Variants in IGF2BP3 observed in about 807,000 individuals in gnomAD.
IGF2BP3 encodes insulin like growth factor 2 mRNA binding protein 3.
Under a neutral mutation model 73.8 loss-of-function variants are expected in IGF2BP3, and 9 were observed. The ratio of observed to expected loss-of-function variants is 0.12; its 90% CI spans 0.07 to 0.21. The LOEUF (loss-of-function observed/expected upper bound fraction) is 0.21, where lower values mean the gene tolerates loss of function less well. IGF2BP3 is among the 10% of genes least tolerant of loss of function. The pLI, the probability that IGF2BP3 is intolerant of heterozygous loss-of-function variation, is 1.00. For missense variants in IGF2BP3, 542 were observed against 714.0 expected (o/e 0.76, Z 2.75); for synonymous variants, 258 against 256.7 (o/e 1.01, Z -0.05).
intron 10 of IGF2BP3, among the ~76,000 whole-genome samples, chr7:23,335,870 G>A (rs1728092171): frequency 6.6e-6 from 1 of 152,190 alleles, no homozygotes; most frequent in Non-Finnish European, 1.5e-5. Flanking sequence ...ATTTCTGAAA[G>A]GCGCGTTTCC....
At chr7:23,462,079 A>T (rs918752925) in intron 2 of IGF2BP3, among the ~76,000 whole-genome samples, 4 of 152,254 alleles carry the variant, frequency 2.6e-5, no homozygotes, top group Non-Finnish European at 4.4e-5. Flanking sequence ...GGCCAGTTAC[A>T]TCAGCAAAGA....
At chr7:23,468,597 C>T (rs1362481404) in intron 1 of IGF2BP3, 55 bp from the exon 2 acceptor site, 6 of 1,564,424 alleles carry the variant, frequency 3.8e-6, no homozygotes, top group Admixed American at 3.3e-5. Context: ...TCTCCCTGCC[C>T]GAAGACCCGC....
intron 10 of IGF2BP3, among the ~76,000 whole-genome samples, chr7:23,340,196 CAG>C (rs1784673412): frequency 6.6e-6 from 1 of 152,116 alleles, no homozygotes; most frequent in South Asian, 2.1e-4. Flanking sequence ...CCAGCCACTT[CAG>C]GGGGCACGTA....
At chr7:23,354,888 C>T (rs1193419912) in intron 5 of IGF2BP3, among the ~76,000 whole-genome samples, 3 of 152,112 alleles carry the variant, frequency 2.0e-5, no homozygotes, top group Non-Finnish European at 4.4e-5. Context: ...CCACAGTGCT[C>T]CATCCACAGT....
chr7:23,381,521 A>G (rs1020159803), intron 3 of IGF2BP3, among the ~76,000 whole-genome samples: 1 of 152,206 alleles, frequency 6.6e-6, no homozygotes, highest in Non-Finnish European at 1.5e-5. Flanking sequence ...CTACTTGTAT[A>G]TGCTTATATG....
chr7:23,363,199 T>C (rs1480868537), intron 3 of IGF2BP3, among the ~76,000 whole-genome samples: 1 of 152,266 alleles, frequency 6.6e-6, no homozygotes, highest in Admixed American at 6.5e-5. Context: ...TTTTAGGCTT[T>C]TGTCTACTGT....
At chr7:23,313,700 G>GA (rs750108967) in intron 12 of IGF2BP3, 47 bp from the exon 13 acceptor site, 21 of 1,593,378 alleles carry the variant, frequency 1.3e-5, no homozygotes, top group South Asian at 1.1e-4. Flanking sequence ...GTATGAAATG[G>GA]AAAAGGTCAG....
intron 3 of IGF2BP3, among the ~76,000 whole-genome samples, chr7:23,396,036 A>C (rs1175262614): frequency 2.0e-5 from 2 of 101,544 alleles, no homozygotes; most frequent in African/African-American, 7.1e-5. Flanking sequence ...AAAAAAATCC[A>C]GTGAGTTTTT....
Position 23,418,777 on chromosome 7 carries a change from T to C in IGF2BP3, c.284A>G (p.Glu95Gly). 6.4e-7 allele frequency: 1 copy of C among 1,570,170 alleles called. No individual in the cohort carries two copies. Among genetic ancestry groups the C allele is most frequent in the Non-Finnish European group, 8.7e-7 (1 of 1,148,196 alleles). Residue 95 changes from glutamate to glycine, a missense_variant and splice_region_variant, in exon 3 of 15, where the codon GAG becomes GGG. Glu to Gly is a moderately conservative substitution (Grantham distance 98). Transcript: ENST00000258729. ...AATTTTAAATACAGAAATTCTTACC[T>C]CCCACTGTAAATGAGGCGGGATATT... ...IRNIPPHLQW[E>G]VLDSLLVQYG...
intron 10 of IGF2BP3, among the ~76,000 whole-genome samples, chr7:23,327,085 A>G (rs1784320501): frequency 6.6e-6 from 1 of 151,986 alleles, no homozygotes. Flanking sequence ...TTAATTAATT[A>G]ATTAATTAAA....
chr7:23,440,306 C>T (rs368275206), intron 2 of IGF2BP3, among the ~76,000 whole-genome samples: 8 of 150,456 alleles, frequency 5.3e-5, no homozygotes, highest in Admixed American at 2.7e-4. Context: ...CATGGTGGCA[C>T]GTGCCCTTAA....
At chr7:23,337,383 C>G (rs573931641) in intron 10 of IGF2BP3, among the ~76,000 whole-genome samples, 1 of 152,318 alleles carries the variant, frequency 6.6e-6, no homozygotes, top group East Asian at 1.9e-4. Context: ...ATTTTCTCCT[C>G]CAGAATTTAG....
chr7:23,422,864 C>T (rs1197064078), intron 2 of IGF2BP3, among the ~76,000 whole-genome samples: 4 of 152,266 alleles, frequency 2.6e-5, no homozygotes, highest in Middle Eastern at 3.4e-3. Context: ...AGCGTAATCT[C>T]GGCTCACTGC....
At chr7:23,414,459 A>G (rs1044736391) in intron 3 of IGF2BP3, 1 of 152,212 alleles carries the variant, frequency 6.6e-6, no homozygotes, top group Non-Finnish European at 1.5e-5. Flanking sequence ...CTGTGGTCCC[A>G]GATTCTGTTA....
chr7:23,342,317 T>C (rs1784733587), intron 9 of IGF2BP3, 128 bp from the exon 10 acceptor site: 1 of 1,007,368 alleles, frequency 9.9e-7, no homozygotes, highest in Non-Finnish European at 1.5e-6. Flanking sequence ...TCAAAGCAGA[T>C]GTTCCATGGG....
chr7:23,416,583 A>C (rs1034171319), intron 3 of IGF2BP3, among the ~76,000 whole-genome samples: 3 of 152,222 alleles, frequency 2.0e-5, no homozygotes, highest in Non-Finnish European at 2.9e-5. Flanking sequence ...TGTATATTCT[A>C]CTGCATTAAA....
intron 3 of IGF2BP3, among the ~76,000 whole-genome samples, chr7:23,371,823 AG>A (rs1315599122): frequency 2.0e-5 from 3 of 152,160 alleles, no homozygotes; most frequent in Non-Finnish European, 4.4e-5. Context: ...TAGGACTCCT[AG>A]GAGTCATGTG....
At chr7:23,383,450 G>A (rs1012383840) in intron 3 of IGF2BP3, among the ~76,000 whole-genome samples, 2 of 152,170 alleles carry the variant, frequency 1.3e-5, no homozygotes, top group Non-Finnish European at 2.9e-5. Context: ...TTTACACCCA[G>A]TAGGCTATAA....
chr7:23,430,303 T>C (rs901198237), intron 2 of IGF2BP3, among the ~76,000 whole-genome samples: 1 of 152,198 alleles, frequency 6.6e-6, no homozygotes, highest in Non-Finnish European at 1.5e-5. Context: ...CAGGCTGGTC[T>C]CGAACTCCTG....
Sources: allele counts gnomAD v4.1 joint callset (sites outside exome capture counted in the v4.1 genomes callset), GRCh38; gene constraint gnomAD v4.1.1; transcripts MANE v1.5; gene names NCBI Gene and HGNC (gene_info 2026-07-23, HGNC 2026-07-21).